Variants in BEND5 observed in about 807,000 individuals in gnomAD.
BEND5 encodes the protein BEN domain containing 5.
Under a neutral mutation model 43.9 loss-of-function variants are expected in BEND5, and 22 were observed. The observed-to-expected ratio is 0.50, with a 90% confidence interval of 0.36 to 0.72. The LOEUF (loss-of-function observed/expected upper bound fraction) is 0.72. Among genes scored for constraint, BEND5 ranks in the 30% least tolerant of loss-of-function variants. The probability of loss-of-function intolerance (pLI) is 0.00; values close to 1 mark genes in which losing one functional copy is unlikely to be tolerated. For missense variants in BEND5, 428 were observed against 550.6 expected, an observed-to-expected ratio of 0.78 and a Z score of 2.23; for synonymous variants, 228 against 225.9, an observed-to-expected ratio of 1.01 and a Z score of -0.08.
In BEND5 at chr1:48,776,889, G is replaced by T; in HGVS notation, c.-58C>A. ...GCTCAGCCCGCGGGGCGGGCGCGGA[G>T]GTGGGGATCCGGCGGGGGGCGCGAG... is the stretch of plus-strand genomic sequence containing the variant. On this transcript the variant is annotated 5_prime_UTR_variant, in exon 1 of 6. Transcript: ENST00000371833. 1 of 1,230,856 alleles carries T rather than the reference G, an allele frequency of 8.1e-7. No individual in the cohort carries two copies. Among genetic ancestry groups the T allele is most frequent in the Non-Finnish European group, 1.1e-6 (1 of 910,438 alleles). 76.2% of individuals were successfully genotyped at this position (1,230,856 alleles called of 1,614,324 possible). A position where few individuals can be genotyped will look rare whatever the true frequency, so the allele number is the denominator to read the frequency against.
At chr1:48,776,438 C>T (rs1250750732) in intron 1 of BEND5, among the ~76,000 whole-genome samples, 168 bp downstream of exon 1, 1 of 152,184 alleles carries the variant, frequency 6.6e-6, no homozygotes, top group African/African-American at 2.4e-5. Context: ...ACTGGCCTGG[C>T]CTCTTAGAGA....
rs374144898 is a variant in BEND5, at chr1:48,743,630, C to G, written c.746-859G>C. ...AAACATTTCAGGAGTTGACTAAGAT[C>G]AGAGATGTGGCTACTGCCACAGCAG... is the stretch of plus-strand genomic sequence containing the variant. On this transcript the variant is annotated intron_variant, in intron 3 of 5. Coordinates refer to ENST00000371833, the MANE Select transcript of BEND5 (RefSeq NM_024603.4). Among the ~76,000 whole-genome samples, 73 of 152,336 alleles carry G rather than the reference C, an allele frequency of 4.8e-4. 1 individual carries two copies. In the South Asian group the frequency reaches 0.012, roughly 26 times the overall value.
chr1:48,753,943 C>T (rs1231467245), intron 3 of BEND5, among the ~76,000 whole-genome samples: 1 of 152,158 alleles, frequency 6.6e-6, no homozygotes, highest in Non-Finnish European at 1.5e-5. Context: ...AATTAGAGCA[C>T]TGATTTTATT....
chr1:48,732,578 T>G (rs1648319053), intron 5 of BEND5, among the ~76,000 whole-genome samples: 1 of 151,638 alleles, frequency 6.6e-6, no homozygotes, highest in South Asian at 2.1e-4. Context: ...TGGGGAGGCC[T>G]CTCTCAGTGA....
chr1:48,741,851 C>T (rs886639186), intron 4 of BEND5, among the ~76,000 whole-genome samples: 1 of 152,212 alleles, frequency 6.6e-6, no homozygotes, highest in African/African-American at 2.4e-5. Context: ...AGCTGAATTT[C>T]ACCAGTGCCA....
intron 1 of BEND5, among the ~76,000 whole-genome samples, chr1:48,774,413 G>A (rs1305204815): frequency 6.6e-6 from 1 of 152,174 alleles, no homozygotes; most frequent in Non-Finnish European, 1.5e-5. Context: ...TCTATGCAGG[G>A]CAGTGGGTAC....
Position 48,758,965 on chromosome 1 carries a change from T to C in BEND5, c.680A>G (p.Glu227Gly). 6.2e-7 allele frequency: 1 copy of C among 1,606,320 alleles called. No homozygotes were observed. The highest frequency in any genetic ancestry group is 8.5e-7 in the Non-Finnish European group (1 of 1,176,628). ...KLKEYGALVS[E>G]MKELRDLNRR... ...GTTAAGGTCACGGAGCTCCTTCATT[T>C]CAGACACAAGTGCCCCGTACTCCTT... Residue 227 changes from glutamate to glycine, a missense_variant, in exon 3 of 6, where the codon GAA becomes GGA. Glu to Gly is a moderately conservative substitution (Grantham distance 98). Around this residue, in one of 4 missense-constraint regions of BEND5, gnomAD observed 243 missense variants for 286.4 expected, o/e 0.85. Coordinates refer to ENST00000371833, the MANE Select transcript of BEND5 (RefSeq NM_024603.4).
intron 4 of BEND5, among the ~76,000 whole-genome samples, chr1:48,741,818 A>C (rs950127678): frequency 6.6e-6 from 1 of 152,250 alleles, no homozygotes; most frequent in Admixed American, 6.5e-5. Context: ...TGCATGCCAC[A>C]GTGGCAGAGA....
At chr1:48,750,297 A>G (rs1651486786) in intron 3 of BEND5, among the ~76,000 whole-genome samples, 1 of 152,052 alleles carries the variant, frequency 6.6e-6, no homozygotes, top group Admixed American at 6.6e-5. Context: ...GCTCTCATCT[A>G]TGTCTGCAAC....
intron 4 of BEND5, among the ~76,000 whole-genome samples, chr1:48,741,030 C>T (rs1649837337): frequency 6.6e-6 from 1 of 152,178 alleles, no homozygotes; most frequent in Non-Finnish European, 1.5e-5. Context: ...ATTTGAGAGA[C>T]TCATTTTCTG....
intron 3 of BEND5, among the ~76,000 whole-genome samples, chr1:48,758,538 T>C (rs889768515): frequency 6.6e-6 from 1 of 152,232 alleles, no homozygotes; most frequent in Non-Finnish European, 1.5e-5. Context: ...GTTGTTAGGA[T>C]CATGTCTACT....
intron 1 of BEND5, among the ~76,000 whole-genome samples, chr1:48,769,348 C>T (rs758252230): frequency 4.6e-5 from 7 of 152,026 alleles, no homozygotes; most frequent in Non-Finnish European, 8.8e-5. Flanking sequence ...GACTGGGGCA[C>T]AGAAAAAACT....
intron 3 of BEND5, among the ~76,000 whole-genome samples, chr1:48,746,732 C>G (rs1650825602): frequency 1.3e-5 from 2 of 152,178 alleles, no homozygotes; most frequent in African/African-American, 4.8e-5. Context: ...CTTACCCTCT[C>G]TGCAACTCAG....
At chr1:48,728,294 T>C (rs942904000) in intron 5 of BEND5, among the ~76,000 whole-genome samples, 3 of 152,198 alleles carry the variant, frequency 2.0e-5, no homozygotes, top group Non-Finnish European at 4.4e-5. Flanking sequence ...AGGATACTAT[T>C]GGTTCCTCCC....
chr1:48,770,292 A>G (rs1389502872), intron 1 of BEND5, among the ~76,000 whole-genome samples: 1 of 152,208 alleles, frequency 6.6e-6, no homozygotes, highest in Non-Finnish European at 1.5e-5. Context: ...ATGAGTGAAA[A>G]GGAAAAGGTA....
At chr1:48,738,127 G>A (rs747510864) in intron 4 of BEND5, among the ~76,000 whole-genome samples, 3 of 152,162 alleles carry the variant, frequency 2.0e-5, no homozygotes, top group Non-Finnish European at 4.4e-5. Context: ...AATACACATA[G>A]TTAGGCAGTC....
intron 3 of BEND5, among the ~76,000 whole-genome samples, chr1:48,756,175 G>A (rs1315444194): frequency 1.3e-5 from 2 of 152,164 alleles, no homozygotes; most frequent in Non-Finnish European, 2.9e-5. Context: ...AGACATACAT[G>A]CTCTTTGCCT....
At chr1:48,767,712 T>C (rs1042274661) in intron 1 of BEND5, among the ~76,000 whole-genome samples, 2 of 152,220 alleles carry the variant, frequency 1.3e-5, no homozygotes, top group African/African-American at 4.8e-5. Flanking sequence ...GCAACTACTC[T>C]AACCTTGAGG....
At chr1:48,735,291 G>A (rs1454978415) in intron 5 of BEND5, among the ~76,000 whole-genome samples, 1 of 152,090 alleles carries the variant, frequency 6.6e-6, no homozygotes, top group African/African-American at 2.4e-5. Flanking sequence ...TATCTTCCCT[G>A]TGAGAATATG....
Sources: gnomAD v4.1 joint callset for allele counts (sites outside exome capture counted in the v4.1 genomes callset) on GRCh38, gnomAD v4.1.1 for gene constraint, gnomAD v4.1.1 regional missense constraint, MANE v1.5 for transcripts, NCBI Gene and HGNC (gene_info 2026-07-23, HGNC 2026-07-21) for gene names.